KCTD16: variants seen among roughly 807,000 people sequenced by gnomAD.
KCTD16 encodes BTB/POZ domain-containing protein KCTD16.
In KCTD16, 13 loss-of-function variants were observed where a neutral mutation model predicts 33.2. The observed-to-expected ratio is 0.39, with a 90% CI of 0.25 to 0.62. The LOEUF (loss-of-function observed/expected upper bound fraction) is 0.62, where lower values mean the gene tolerates loss of function less well. Ranked by LOEUF, KCTD16 falls within the 20% of genes least tolerant of loss-of-function variation. The probability of loss-of-function intolerance (pLI) is 0.50; values close to 1 mark genes in which losing one functional copy is unlikely to be tolerated. For synonymous variants in KCTD16, 197 were observed against 195.3 expected, an observed-to-expected ratio of 1.01 and a Z score of -0.07; for missense variants, 441 against 525.1, an observed-to-expected ratio of 0.84 and a Z score of 1.57.
intron 3 of KCTD16, among the ~76,000 whole-genome samples, chr5:144,254,751 G>A (rs1403193719): frequency 1.3e-5 from 2 of 151,866 alleles, no homozygotes; most frequent in Non-Finnish European, 1.5e-5. Context: ...CCTCATATAA[G>A]TGGAAGCATG....
intron 3 of KCTD16, among the ~76,000 whole-genome samples, chr5:144,245,325 A>G (rs1429429523): frequency 6.6e-6 from 1 of 152,222 alleles, no homozygotes; most frequent in Non-Finnish European, 1.5e-5. Context: ...TAATGAGGGA[A>G]TAGAGGGTTT....
intron 3 of KCTD16, among the ~76,000 whole-genome samples, chr5:144,430,821 A>G (rs781218240): frequency 1.5e-4 from 23 of 152,036 alleles, no homozygotes; most frequent in African/African-American, 3.6e-4. Flanking sequence ...AGGTCTCTCA[A>G]TTTTCACTGG....
At chr5:144,385,598 A>G (rs1458610622) in intron 3 of KCTD16, among the ~76,000 whole-genome samples, 3 of 152,186 alleles carry the variant, frequency 2.0e-5, no homozygotes, top group Non-Finnish European at 4.4e-5. Context: ...CCCTTCTCAC[A>G]ATAGAAAATA....
intron 3 of KCTD16, among the ~76,000 whole-genome samples, chr5:144,426,954 A>G (rs1753344582): frequency 6.6e-6 from 1 of 152,134 alleles, no homozygotes; most frequent in African/African-American, 2.4e-5. Flanking sequence ...CATTCAAACC[A>G]TATTACTTTT....
intron 3 of KCTD16, among the ~76,000 whole-genome samples, chr5:144,426,030 G>T (rs575419372): frequency 4.6e-5 from 7 of 152,000 alleles, no homozygotes; most frequent in Non-Finnish European, 7.4e-5. Context: ...TTTCTGTTCT[G>T]CTTCTCTTTT....
intron 3 of KCTD16, among the ~76,000 whole-genome samples, chr5:144,253,292 T>A (rs1754753651): frequency 6.6e-6 from 1 of 152,172 alleles, no homozygotes; most frequent in African/African-American, 2.4e-5. Flanking sequence ...CATTTAGTCA[T>A]GTAATATTGG....
intron 2 of KCTD16, among the ~76,000 whole-genome samples, chr5:144,193,338 T>C (rs1404601686): frequency 1.3e-5 from 2 of 152,158 alleles, no homozygotes; most frequent in African/African-American, 4.8e-5. Flanking sequence ...CTCATTGGGA[T>C]CCAACTTGCT....
chr5:144,234,201 G>T (rs1754183705), intron 3 of KCTD16, among the ~76,000 whole-genome samples: 1 of 152,106 alleles, frequency 6.6e-6, no homozygotes, highest in African/African-American at 2.4e-5. Context: ...GCCTTTGGAT[G>T]TTCCAAATTC....
intron 3 of KCTD16, among the ~76,000 whole-genome samples, chr5:144,219,028 A>C (rs956067941): frequency 2.6e-5 from 4 of 152,078 alleles, no homozygotes; most frequent in African/African-American, 9.7e-5. Context: ...GTTACTTCCT[A>C]TCAGGGCATA....
intron 3 of KCTD16, among the ~76,000 whole-genome samples, chr5:144,362,081 G>C (rs1237589780): frequency 6.6e-6 from 1 of 152,100 alleles, no homozygotes; most frequent in Non-Finnish European, 1.5e-5. Context: ...TTCCATGCTT[G>C]TTCATTAATT....
intron 3 of KCTD16, among the ~76,000 whole-genome samples, chr5:144,353,809 T>C (rs1191654974): frequency 1.3e-5 from 2 of 152,174 alleles, no homozygotes; most frequent in African/African-American, 4.8e-5. Flanking sequence ...TTCCTGAGAC[T>C]GACTTTATTT....
chr5:144,284,271 G>A (rs566519705), intron 3 of KCTD16, among the ~76,000 whole-genome samples: 1 of 152,256 alleles, frequency 6.6e-6, no homozygotes, highest in African/African-American at 2.4e-5. Flanking sequence ...AGTGAGAAAA[G>A]GGCAAACACT....
chr5:144,237,257 T>C (rs1754279802), intron 3 of KCTD16, among the ~76,000 whole-genome samples: 1 of 152,068 alleles, frequency 6.6e-6, no homozygotes, highest in African/African-American at 2.4e-5. Context: ...TTGGTTTGGC[T>C]CTAGTTTCTC....
chr5:144,428,183 G>A (rs1753377440), intron 3 of KCTD16, among the ~76,000 whole-genome samples: 1 of 152,104 alleles, frequency 6.6e-6, no homozygotes. Flanking sequence ...CTTAGTTTGA[G>A]TATGCATTGT....
At chr5:144,268,214 G>GA (rs201959284) in intron 3 of KCTD16, among the ~76,000 whole-genome samples, 32 of 150,804 alleles carry the variant, frequency 2.1e-4, no homozygotes, top group East Asian at 5.8e-4. Flanking sequence ...GCCAAAGTGG[G>GA]AAAAAAAAAT....
intron 3 of KCTD16, among the ~76,000 whole-genome samples, chr5:144,420,459 G>C (rs1753184097): frequency 6.6e-6 from 1 of 152,022 alleles, no homozygotes; most frequent in Non-Finnish European, 1.5e-5. Context: ...GATTGGGTCT[G>C]GGAGATAAGA....
intron 3 of KCTD16, among the ~76,000 whole-genome samples, chr5:144,401,628 T>TA (rs1336643250): frequency 6.6e-6 from 1 of 152,172 alleles, no homozygotes; most frequent in African/African-American, 2.4e-5. Context: ...ATGTTTGCAA[T>TA]ATTAGCATTG....
intron 3 of KCTD16, among the ~76,000 whole-genome samples, chr5:144,316,055 A>G (rs1468678943): frequency 6.6e-6 from 1 of 151,264 alleles, no homozygotes; most frequent in Non-Finnish European, 1.5e-5. Flanking sequence ...TCGTTTTCGT[A>G]GGAACAACTC....
intron 3 of KCTD16, among the ~76,000 whole-genome samples, chr5:144,261,097 T>A (rs1375606301): frequency 6.9e-6 from 1 of 143,886 alleles, no homozygotes. Context: ...AAGATTTGAG[T>A]ATCACTGATA....
Sources: gnomAD v4.1 joint callset for allele counts (sites outside exome capture counted in the v4.1 genomes callset) on GRCh38, gnomAD v4.1.1 for gene constraint, MANE v1.5 for transcripts, NCBI Gene and HGNC (gene_info 2026-07-23, HGNC 2026-07-21) for gene names.